The following C2 variants were observed in gnomAD, a reference collection of about 807,000 sequenced individuals.
The protein encoded by C2 is C3/C5 convertase.
Under a neutral mutation model 85.2 loss-of-function variants are expected in C2, and 64 were observed. The observed-to-expected ratio is 0.75, with a 90% CI of 0.61 to 0.92. The LOEUF (loss-of-function observed/expected upper bound fraction) is 0.92. C2 is among the 40% of genes least tolerant of loss of function. The pLI is 0.00. For missense variants in C2, 820 were observed against 971.6 expected (o/e 0.84, Z 2.07); for synonymous variants, 311 against 370.8 (o/e 0.84, Z 1.85).
At chr6:31,938,445 T>C (rs1346711159) in intron 8 of C2, among the ~76,000 whole-genome samples, 2 of 142,018 alleles carry the variant, frequency 1.4e-5, no homozygotes, top group African/African-American at 2.7e-5. Context: ...TGTGTATATA[T>C]ATATATGTAT....
Position 31,934,285 on chromosome 6 carries a change from C to G in C2, c.835C>G (p.Leu279Val), listed in dbSNP as rs1770218428. The G allele has an allele frequency of 6.2e-7, 1 of 1,614,096 alleles. No homozygotes were observed. Among genetic ancestry groups the G allele is most frequent in the Non-Finnish European group, 8.5e-7 (1 of 1,179,978 alleles). The change falls in exon 6 of 18, where the codon CTC (leucine) becomes GTC (valine). Residue 279 changes from leucine (L) to valine (V), a missense_variant. Physicochemically the swap from Leu to Val is conservative, Grantham distance 32. Coordinates refer to ENST00000299367, the MANE Select transcript of C2 (RefSeq NM_000063.6). ...DFLIFKESASLMVDRIFSFEI... is the reference protein window; with the variant it reads ...DFLIFKESASVMVDRIFSFEI... ...TCTCATCTTCAAGGAGAGCGCCTCC[C>G]TCATGGTGGACAGGGTCAGGAATCA...
intron 1 of C2, among the ~76,000 whole-genome samples, chr6:31,912,916 A>C (rs1158174584): frequency 6.6e-6 from 1 of 151,222 alleles, no homozygotes; most frequent in Non-Finnish European, 1.5e-5. Context: ...GTGTCAGGCC[A>C]AGCGCAGTGG....
rs376278843 is a variant in C2 at position 31,943,792 on chromosome 6, G to A, written c.1716G>A (p.Lys572=). 2 of 1,613,112 alleles carry A rather than the reference G, an allele frequency of 1.2e-6. No individual in the cohort carries two copies. Among genetic ancestry groups the A allele is most frequent in the Non-Finnish European group, 1.7e-6 (2 of 1,180,032 alleles). Residue 572 remains lysine, a synonymous_variant, in exon 13 of 18, where the codon AAG becomes AAA. Transcript: ENST00000299367. This position sits in a 1 kb window ranked among gnomAD's most constrained non-coding sequence, Gnocchi z 6.4. ...IALLKLAQKV[K]MSTHARPICL... ...TGCTGAAGCTGGCCCAGAAAGTAAA[G>A]ATGTCCACCCATGCCAGGTGCCTGG...
upstream of C2, chr6:31,900,706 A>G: frequency 2.5e-6 from 4 of 1,605,122 alleles, no homozygotes; most frequent in Non-Finnish European, 3.4e-6. The surrounding 1 kb of genome is among the most constrained non-coding windows in gnomAD (Gnocchi z 9.7). Flanking sequence ...CCTCATCCTC[A>G]TCCTCATCCT....
At chr6:31,937,293 G>C in intron 7 of C2, 26 bp from the exon 8 acceptor site, 5 of 1,611,742 alleles carry the variant, frequency 3.1e-6, no homozygotes, top group Non-Finnish European at 4.2e-6. Flanking sequence ...GTTTCTAAGA[G>C]AGTCCTTCCT....
At chr6:31,909,338 C>T (rs937302032) in intron 1 of C2, among the ~76,000 whole-genome samples, 1 of 151,720 alleles carries the variant, frequency 6.6e-6, no homozygotes, top group Non-Finnish European at 1.5e-5. Flanking sequence ...TCTCTGTTGA[C>T]CAGACTGGAA....
At chr6:31,937,065 T>A (rs1770474499) in intron 7 of C2, 1 of 487,150 alleles carries the variant, frequency 2.1e-6, no homozygotes, top group South Asian at 2.2e-5. Context: ...AAAAATTAGC[T>A]GGGCATGGTG....
intron 1 of C2, chr6:31,901,790 T>C (rs1323711314): frequency 2.6e-5 from 4 of 154,294 alleles, no homozygotes; most frequent in African/African-American, 1.0e-4. Context: ...CAGAGCTCCG[T>C]GGCACGCCCC....
chr6:31,942,111 C>T (rs866718422), intron 9 of C2, among the ~76,000 whole-genome samples: 2 of 148,836 alleles, frequency 1.3e-5, no homozygotes, highest in East Asian at 4.0e-4. Context: ...CCACCGTGCC[C>T]GGCTCACCTC....
intron 1 of C2, among the ~76,000 whole-genome samples, chr6:31,907,451 T>A (rs1016928383): frequency 6.7e-6 from 1 of 149,898 alleles, no homozygotes; most frequent in Non-Finnish European, 1.5e-5. Context: ...TGGGAGGTGG[T>A]GTTGCCTGTG....
At chr6:31,934,064 G>C in intron 5 of C2, 99 bp downstream of exon 5, 1 of 1,556,052 alleles carries the variant, frequency 6.4e-7, no homozygotes, top group East Asian at 2.2e-5. Context: ...GCCTTGGTGG[G>C]CTCAGCCACT....
chr6:31,931,361 TA>T (rs1349808932), intron 3 of C2, among the ~76,000 whole-genome samples: 1 of 150,690 alleles, frequency 6.6e-6, no homozygotes, highest in Non-Finnish European at 1.5e-5. Flanking sequence ...GGTCAGCAGA[TA>T]AACAAGTGAA....
intron 3 of C2, 129 bp downstream of exon 3, chr6:31,929,046 T>C (rs1319931743): frequency 6.7e-6 from 6 of 892,682 alleles, no homozygotes; most frequent in African/African-American, 1.7e-5. Context: ...ATAATATTCC[T>C]GGATTTTGGT....
At chr6:31,910,063 T>C (rs919791061) in intron 1 of C2, among the ~76,000 whole-genome samples, 1 of 150,660 alleles carries the variant, frequency 6.6e-6, no homozygotes, top group Non-Finnish European at 1.5e-5. Context: ...GTATTTATAG[T>C]AGAGATGGGG....
At chr6:31,928,354 C>T (rs1769435569) in intron 2 of C2, among the ~76,000 whole-genome samples, 190 bp downstream of exon 2, 1 of 152,172 alleles carries the variant, frequency 6.6e-6, no homozygotes, top group African/African-American at 2.4e-5. Context: ...TTGATGGAGA[C>T]TGTGGGGTAC....
upstream of C2, chr6:31,900,284 A>G (rs369788796): frequency 1.2e-6 from 2 of 1,612,932 alleles, no homozygotes; most frequent in Non-Finnish European, 1.7e-6. The surrounding 1 kb of genome is among the most constrained non-coding windows in gnomAD (Gnocchi z 9.7). Context: ...GCCCTGGAAC[A>G]CTTCCGGGCA....
intron 1 of C2, among the ~76,000 whole-genome samples, chr6:31,907,797 C>T (rs1767814834): frequency 6.7e-6 from 1 of 148,526 alleles, no homozygotes; most frequent in South Asian, 2.1e-4. Context: ...CCTGCCTCAG[C>T]CTCTGGAGTA....
intron 1 of C2, among the ~76,000 whole-genome samples, chr6:31,910,437 T>TCCCA (rs1415375068): frequency 6.7e-6 from 1 of 149,916 alleles, no homozygotes; most frequent in Non-Finnish European, 1.5e-5. Context: ...CAGGTGATCC[T>TCCCA]CCCACCTCAG....
intron 3 of C2, among the ~76,000 whole-genome samples, chr6:31,930,412 C>T (rs969277478): frequency 1.3e-5 from 2 of 152,152 alleles, no homozygotes; most frequent in African/African-American, 2.4e-5. Flanking sequence ...GACAGGATCT[C>T]GCTGTGTTGC....
Sources: gnomAD v4.1 joint callset for allele counts (sites outside exome capture counted in the v4.1 genomes callset) on GRCh38, gnomAD v4.1.1 for gene constraint, Gnocchi (gnomAD v3.1) non-coding constraint, MANE v1.5 for transcripts, NCBI Gene and HGNC (gene_info 2026-07-23, HGNC 2026-07-21) for gene names.